The following ILDR1 variants were observed in gnomAD, a reference collection of about 807,000 sequenced individuals.
ILDR1 encodes the protein immunoglobulin like domain containing receptor 1.
A neutral mutation model predicts 62.4 loss-of-function variants in ILDR1; 56 were observed. That is an observed-to-expected ratio of 0.90 (90% CI 0.72 to 1.12). ILDR1 has a LOEUF of 1.12. Among genes scored for constraint, ILDR1 ranks in the 50% most tolerant of loss-of-function variants. ILDR1 has a pLI of 0.00. For missense variants in ILDR1, 736 were observed against 710.6 expected, an observed-to-expected ratio of 1.04 and a Z score of -0.41; for synonymous variants, 284 against 277.8, an observed-to-expected ratio of 1.02 and a Z score of -0.22.
At chr3:122,028,393 T>A in the ILDR1 span, among the ~76,000 whole-genome samples, 1 of 150,262 alleles carries the variant, frequency 6.7e-6, no homozygotes, top group Non-Finnish European at 1.5e-5. Context: ...AATACCCTCA[T>A]ATCTTGTGTC....
At chr3:122,017,117 G>A (rs879889406) in intron 1 of ILDR1, among the ~76,000 whole-genome samples, 13 of 151,908 alleles carry the variant, frequency 8.6e-5, no homozygotes, top group Admixed American at 3.9e-4. Flanking sequence ...GCGCGATCTC[G>A]GCTCACTGCA....
In ILDR1 at chr3:122,005,230, TC is replaced by T; in HGVS notation, c.379+13del. On this transcript the variant is annotated intron_variant, in intron 3 of 7. Coordinates refer to ENST00000344209, the MANE Select transcript of ILDR1 (RefSeq NM_001199799.2). The stretch of plus-strand genomic sequence containing the variant: ...CCCCACCCCCAGTTCCCCTGACACC[TC>T]CCCCGCACTCACGGTTCTGGATGGT... 2 of 517,400 alleles carry T rather than the reference TC, an allele frequency of 3.9e-6. No homozygotes were observed. The highest frequency in any genetic ancestry group is 6.4e-6 in the Non-Finnish European group (2 of 311,754). 32.1% of individuals were successfully genotyped at this position (517,400 alleles called of 1,614,324 possible).
the ILDR1 span, among the ~76,000 whole-genome samples, chr3:122,047,417 C>T: frequency 6.6e-6 from 1 of 152,254 alleles, no homozygotes; most frequent in African/African-American, 2.4e-5. Flanking sequence ...GACAGGCAGG[C>T]CTCCTTGAGC....
the ILDR1 span, among the ~76,000 whole-genome samples, chr3:122,029,248 T>C: frequency 5.4e-3 from 829 of 152,230 alleles, 8 homozygotes; most frequent in African/African-American, 0.019. Context: ...GGCTCATGCC[T>C]GTAATCCCAG....
At chr3:122,023,823 C>T (rs548628766), upstream of ILDR1, among the ~76,000 whole-genome samples, 6 of 152,116 alleles carry the variant, frequency 3.9e-5, no homozygotes, top group Admixed American at 6.5e-5. Flanking sequence ...CAGGAGGAAG[C>T]TGCAGTGTGA....
the ILDR1 span, among the ~76,000 whole-genome samples, chr3:122,057,955 C>T: frequency 6.6e-6 from 1 of 152,188 alleles, no homozygotes; most frequent in Non-Finnish European, 1.5e-5. Context: ...GTTTGAATAC[C>T]AGTTCCCCAA....
At chr3:122,056,221 C>T in the ILDR1 span, among the ~76,000 whole-genome samples, 117 of 152,240 alleles carry the variant, frequency 7.7e-4, 1 homozygote, top group South Asian at 7.5e-3. Context: ...CTTTCCTGCC[C>T]GCTTCGTGGT....
chr3:122,023,181 A>G (rs913946440), upstream of ILDR1, among the ~76,000 whole-genome samples: 6 of 151,722 alleles, frequency 4.0e-5, no homozygotes, highest in Non-Finnish European at 5.9e-5. Flanking sequence ...AAAATATTAT[A>G]AGTAGGTACA....
At chr3:122,010,383 T>C (rs2071686089) in intron 1 of ILDR1, among the ~76,000 whole-genome samples, 1 of 152,074 alleles carries the variant, frequency 6.6e-6, no homozygotes, top group Non-Finnish European at 1.5e-5. Context: ...GGAAGATAGA[T>C]GACTTCCCCA....
At chr3:122,025,257 C>T (rs957853898), upstream of ILDR1, 1 of 152,212 alleles carries the variant, frequency 6.6e-6, no homozygotes, top group Non-Finnish European at 1.5e-5. Context: ...CCATCTGTAG[C>T]TGACTGGGAA....
chr3:122,005,365 C>T lies in ILDR1; in HGVS notation c.258G>A (p.Gln86=), dbSNP rs2071592014. ...ASYQAALSLG[Q]DPSNDCNDNQ... ...TGTCGTTGCAGTCATTGGATGGGTCCTGGCCCAGGGATAAAGCTGCCTGGT... is the reference window on the plus strand; with the variant it reads ...TGTCGTTGCAGTCATTGGATGGGTCTTGGCCCAGGGATAAAGCTGCCTGGT... The change falls in exon 3 of 8, where the codon CAG becomes CAA. Residue 86 remains glutamine, a synonymous_variant. Transcript: ENST00000344209. 6.2e-7 allele frequency: 1 copy of T among 1,614,098 alleles called. No individual in the cohort carries two copies. Among genetic ancestry groups the T allele is most frequent in the Non-Finnish European group, 8.5e-7 (1 of 1,180,042 alleles).
the ILDR1 span, among the ~76,000 whole-genome samples, chr3:122,058,258 C>G: frequency 6.6e-6 from 1 of 152,122 alleles, no homozygotes; most frequent in Non-Finnish European, 1.5e-5. Context: ...TCCTCTGTGC[C>G]TGGCAGGACA....
At chr3:122,030,837 C>G in the ILDR1 span, among the ~76,000 whole-genome samples, 1 of 152,140 alleles carries the variant, frequency 6.6e-6, no homozygotes, top group Admixed American at 6.5e-5. Flanking sequence ...GAAGCAGTAG[C>G]TTATTAAAGT....
chr3:122,012,664 A>T lies in ILDR1; in HGVS notation c.59-5503T>A, dbSNP rs139144940. 1.2e-4 allele frequency among the ~76,000 whole-genome samples: 19 copies of T among 152,326 alleles called. No homozygotes were observed. The East Asian group carries it at 3.7e-3, about 29-fold the overall frequency. ...ATACCTGCCTCAGAGGGTTGTGGTGAGCATAAAAAAATGTCCCCCATTTAG... is the reference window on the plus strand; with the variant it reads ...ATACCTGCCTCAGAGGGTTGTGGTGTGCATAAAAAAATGTCCCCCATTTAG... On this transcript the variant is annotated intron_variant, in intron 1 of 7. Coordinates refer to ENST00000344209, the MANE Select transcript of ILDR1 (RefSeq NM_001199799.2).
chr3:122,024,684 G>A (rs2071906170), upstream of ILDR1, among the ~76,000 whole-genome samples: 1 of 152,138 alleles, frequency 6.6e-6, no homozygotes, highest in Admixed American at 6.5e-5. Context: ...CATGAAATAA[G>A]GGCTATTATT....
intron 1 of ILDR1, 117 bp downstream of exon 1, chr3:122,021,903 C>T: frequency 1.0e-6 from 1 of 972,092 alleles, no homozygotes. Flanking sequence ...TGCCAAGCGC[C>T]ACCAGAGCGC....
chr3:122,024,977 T>C (rs1043933523), upstream of ILDR1, among the ~76,000 whole-genome samples: 2 of 152,322 alleles, frequency 1.3e-5, no homozygotes, highest in African/African-American at 4.8e-5. Flanking sequence ...AGCTCTGGGC[T>C]CTCTTGGGCC....
In ILDR1 at chr3:121,993,221, G is replaced by A; in HGVS notation, c.1528C>T (p.Pro510Ser). 1.2e-6 allele frequency: 2 copies of A among 1,614,044 alleles called. No individual in the cohort carries two copies. The highest frequency in any genetic ancestry group is 1.7e-6 in the Non-Finnish European group (2 of 1,179,964). Residue 510 changes from proline to serine, a missense_variant, in exon 7 of 8, where the codon CCT becomes TCT. Physicochemically the swap from Pro to Ser is moderately conservative, Grantham distance 74. Coordinates refer to ENST00000344209, the MANE Select transcript of ILDR1 (RefSeq NM_001199799.2). ...HSPHWPEEKPPSYRSLDITPG... is the reference protein window; with the variant it reads ...HSPHWPEEKPSSYRSLDITPG... The stretch of plus-strand genomic sequence containing the variant: ...GTGATATCAAGTGAGCGGTAGCTAG[G>A]CGGCTTCTCCTCGGGCCAGTGTGGG...
chr3:122,029,261 C>T, the ILDR1 span, among the ~76,000 whole-genome samples: 1 of 152,016 alleles, frequency 6.6e-6, no homozygotes, highest in Non-Finnish European at 1.5e-5. Flanking sequence ...AATCCCAGCA[C>T]TTTGGGAGGC....
Sources: gnomAD v4.1 joint callset for allele counts (sites outside exome capture counted in the v4.1 genomes callset) on GRCh38, gnomAD v4.1.1 for gene constraint, MANE v1.5 for transcripts, NCBI Gene and HGNC (gene_info 2026-07-23, HGNC 2026-07-21) for gene names.